The following PTPRD variants were observed in gnomAD, a reference collection of about 807,000 sequenced individuals.
PTPRD encodes the protein protein tyrosine phosphatase receptor type D.
In PTPRD, 34 loss-of-function variants were observed where a neutral mutation model predicts 214.5. The ratio of observed to expected loss-of-function variants is 0.16; its 90% CI spans 0.12 to 0.21. PTPRD has a LOEUF of 0.21. Among genes scored for constraint, PTPRD ranks in the 10% least tolerant of loss-of-function variants. The pLI is 1.00. For missense variants in PTPRD, 2,545 were observed against 2,398.7 expected, an observed-to-expected ratio of 1.06 and a Z score of -1.27; for synonymous variants, 1,128 against 845.7, an observed-to-expected ratio of 1.33 and a Z score of -5.79.
At chr9:9,101,536 T>C (rs1392684987) in intron 10 of PTPRD, among the ~76,000 whole-genome samples, 1 of 152,172 alleles carries the variant, frequency 6.6e-6, no homozygotes, top group South Asian at 2.1e-4. Flanking sequence ...ACCAAAGTGC[T>C]TGCTCAAGAT....
In PTPRD at chr9:10,447,624, T is replaced by C. The variant is rs578137374; in HGVS notation, c.-599-106607A>G. Among the ~76,000 whole-genome samples, 15 of 152,118 alleles carry C rather than the reference T, an allele frequency of 9.9e-5. No homozygotes were observed. The South Asian group carries it at 1.9e-3, about 19-fold the overall frequency. On this transcript the variant is annotated intron_variant, in intron 2 of 45. Coordinates refer to ENST00000381196, the MANE Select transcript of PTPRD (RefSeq NM_002839.4). The stretch of plus-strand genomic sequence containing the variant: ...ATCATACTATATACAAATATTTGTT[T>C]TTTATTTCTCAAATACAGACAGGAA...
intron 5 of PTPRD, among the ~76,000 whole-genome samples, chr9:9,897,130 TTACACACAC>T (rs2075199180): frequency 3.7e-5 from 1 of 27,114 alleles, no homozygotes; most frequent in Non-Finnish European, 6.1e-5. Flanking sequence ...TCTCTTACAC[TTACACACAC>T]ACACACACAC....
chr9:10,202,094 A>G (rs1455019595), intron 3 of PTPRD, among the ~76,000 whole-genome samples: 1 of 152,136 alleles, frequency 6.6e-6, no homozygotes, highest in African/African-American at 2.4e-5. Flanking sequence ...AGGCTGAGAA[A>G]GAGAAGCTCA....
chr9:8,874,514 C>T (rs1276978225), intron 11 of PTPRD, among the ~76,000 whole-genome samples: 2 of 152,170 alleles, frequency 1.3e-5, no homozygotes, highest in Non-Finnish European at 2.9e-5. Context: ...CTTCACTCTG[C>T]ACCTCCCCTG....
At chr9:10,456,805 T>C (rs1436675639) in intron 2 of PTPRD, among the ~76,000 whole-genome samples, 1 of 151,998 alleles carries the variant, frequency 6.6e-6, no homozygotes, top group Non-Finnish European at 1.5e-5. Context: ...ATACAGAATA[T>C]AACTCATTTC....
chr9:8,526,947 C>T (rs1356439133), intron 16 of PTPRD, among the ~76,000 whole-genome samples: 1 of 147,904 alleles, frequency 6.8e-6, no homozygotes, highest in African/African-American at 2.5e-5. Context: ...ATCTTATATG[C>T]CTCATATCTC....
intron 12 of PTPRD, among the ~76,000 whole-genome samples, chr9:8,704,741 A>C (rs923347220): frequency 2.7e-5 from 4 of 149,538 alleles, no homozygotes; most frequent in Non-Finnish European, 4.4e-5. Context: ...AGTCTGGCCA[A>C]ATCTCTACTA....
intron 9 of PTPRD, among the ~76,000 whole-genome samples, chr9:9,286,048 G>T (rs965922152): frequency 2.0e-5 from 3 of 151,570 alleles, no homozygotes; most frequent in African/African-American, 7.3e-5. Flanking sequence ...CCCATCCTAT[G>T]AATTCTATCC....
intron 3 of PTPRD, among the ~76,000 whole-genome samples, chr9:10,267,908 T>C (rs1266805801): frequency 6.6e-6 from 1 of 152,132 alleles, no homozygotes; most frequent in Admixed American, 6.5e-5. Context: ...CACACATATC[T>C]AATGATCTTG....
At chr9:10,161,139 T>G (rs1388559087) in intron 3 of PTPRD, among the ~76,000 whole-genome samples, 1 of 151,944 alleles carries the variant, frequency 6.6e-6, no homozygotes, top group Non-Finnish European at 1.5e-5. Flanking sequence ...ACAATACTAC[T>G]CAAAGCAGTT....
chr9:9,286,625 T>C (rs375961761), intron 9 of PTPRD, among the ~76,000 whole-genome samples: 70 of 151,524 alleles, frequency 4.6e-4, no homozygotes, highest in African/African-American at 1.6e-3. Flanking sequence ...CTATAGAACC[T>C]TTCCTGATGC....
chr9:10,592,597 G>A (rs554808064), intron 2 of PTPRD, among the ~76,000 whole-genome samples: 1 of 151,952 alleles, frequency 6.6e-6, no homozygotes, highest in East Asian at 2.0e-4. Context: ...GGTTGAGTGG[G>A]GACTTGGAGA....
At chr9:9,471,012 A>G (rs1317720479) in intron 8 of PTPRD, among the ~76,000 whole-genome samples, 1 of 152,156 alleles carries the variant, frequency 6.6e-6, no homozygotes, top group Admixed American at 6.5e-5. Context: ...CCATCTATCA[A>G]TTTCCATGGG....
At chr9:9,815,936 C>G (rs1376321054) in intron 5 of PTPRD, among the ~76,000 whole-genome samples, 2 of 152,082 alleles carry the variant, frequency 1.3e-5, no homozygotes, top group Non-Finnish European at 2.9e-5. Flanking sequence ...CAAATGGTAG[C>G]TATGTGAGGT....
At chr9:10,017,929 C>T (rs1345739228) in intron 4 of PTPRD, among the ~76,000 whole-genome samples, 2 of 152,150 alleles carry the variant, frequency 1.3e-5, no homozygotes, top group South Asian at 2.1e-4. Flanking sequence ...CAAATGAAGT[C>T]CCAGAACAGC....
At chr9:10,138,414 A>G (rs1309320458) in intron 3 of PTPRD, among the ~76,000 whole-genome samples, 3 of 151,832 alleles carry the variant, frequency 2.0e-5, no homozygotes, top group Non-Finnish European at 2.9e-5. Flanking sequence ...CAACAACAAA[A>G]CAAAACAAAC....
intron 2 of PTPRD, among the ~76,000 whole-genome samples, chr9:10,432,180 G>T (rs577104362): frequency 6.7e-6 from 1 of 149,658 alleles, no homozygotes; most frequent in Admixed American, 6.7e-5. Context: ...GTAAACTATC[G>T]CAAGAACAAA....
At chr9:10,538,133 T>C (rs968918564) in intron 2 of PTPRD, among the ~76,000 whole-genome samples, 1 of 151,940 alleles carries the variant, frequency 6.6e-6, no homozygotes, top group African/African-American at 2.4e-5. Flanking sequence ...ACAGTGCCTA[T>C]CCCTATCCAA....
At chr9:9,451,998 G>T (rs10977763) in intron 8 of PTPRD, among the ~76,000 whole-genome samples, 2 of 151,184 alleles carry the variant, frequency 1.3e-5, no homozygotes, top group Non-Finnish European at 3.0e-5. Flanking sequence ...ATTATCATAC[G>T]TACAGTATAA....
Sources: allele counts gnomAD v4.1 joint callset (sites outside exome capture counted in the v4.1 genomes callset), GRCh38; gene constraint gnomAD v4.1.1; transcripts MANE v1.5; gene names NCBI Gene and HGNC (gene_info 2026-07-23, HGNC 2026-07-21).